ZNF273: variants seen among roughly 807,000 people sequenced by gnomAD.
ZNF273 encodes the protein zinc finger protein 9.
In ZNF273, 11 loss-of-function variants were observed where a neutral mutation model predicts 14.9. The ratio of observed to expected loss-of-function variants is 0.74; its 90% CI spans 0.46 to 1.22. The LOEUF (loss-of-function observed/expected upper bound fraction) is 1.22, where lower values mean the gene tolerates loss of function less well. Ranked by LOEUF, ZNF273 falls within the 50% of genes most tolerant of loss-of-function variation. The pLI, the probability that ZNF273 is intolerant of heterozygous loss-of-function variation, is 0.00. For missense variants in ZNF273, 577 were observed against 660.6 expected (o/e 0.87, Z 1.39); for synonymous variants, 199 against 223.9 (o/e 0.89, Z 0.99).
chr7:64,890,945 G>A (rs1165226472), downstream of ZNF273, among the ~76,000 whole-genome samples: 2 of 152,210 alleles, frequency 1.3e-5, no homozygotes, highest in Admixed American at 6.5e-5. Context: ...GTTGGCTCAG[G>A]GTAGATATGA....
At chr7:64,904,482 AG>A (rs1792951193) in intron 1 of ZNF273, among the ~76,000 whole-genome samples, 1 of 152,168 alleles carries the variant, frequency 6.6e-6, no homozygotes, top group Non-Finnish European at 1.5e-5. Flanking sequence ...CACACTCTAC[AG>A]GGGATAGATT....
chr7:64,879,212 G>T (rs948461474), intron 2 of ZNF273, among the ~76,000 whole-genome samples: 1 of 152,168 alleles, frequency 6.6e-6, no homozygotes, highest in Non-Finnish European at 1.5e-5. Flanking sequence ...GGATTTCAGA[G>T]TCAAAAGAGA....
chr7:64,896,615 G>C (rs1330952637), intron 3 of ZNF273, among the ~76,000 whole-genome samples: 1 of 151,872 alleles, frequency 6.6e-6, no homozygotes, highest in East Asian at 1.9e-4. Context: ...AATATATTTA[G>C]AAGAGCTTTT....
downstream of ZNF273, chr7:64,893,936 T>G (rs772954950): frequency 5.9e-5 from 9 of 152,126 alleles, no homozygotes; most frequent in Non-Finnish European, 8.8e-5. Context: ...TCATTTCTCA[T>G]GTTTTTAATC....
chr7:64,922,830 G>A (rs1025918278), intron 3 of ZNF273, among the ~76,000 whole-genome samples: 1 of 152,032 alleles, frequency 6.6e-6, no homozygotes, highest in African/African-American at 2.4e-5. Flanking sequence ...GCCAGGTGTG[G>A]TGGTGCATGC....
chr7:64,891,695 C>T (rs1342221384), downstream of ZNF273, among the ~76,000 whole-genome samples: 1 of 152,198 alleles, frequency 6.6e-6, no homozygotes, highest in Non-Finnish European at 1.5e-5. Flanking sequence ...TTATGTATCA[C>T]CAGCCAGGCA....
chr7:64,896,318 A>G (rs1206293893), intron 3 of ZNF273, among the ~76,000 whole-genome samples: 1 of 152,152 alleles, frequency 6.6e-6, no homozygotes, highest in African/African-American at 2.4e-5. Flanking sequence ...GGTTCCGCAA[A>G]TGAAATATAT....
At chr7:64,878,560 A>G (rs2129026498) in intron 2 of ZNF273, 1 of 152,410 alleles carries the variant, frequency 6.6e-6, no homozygotes, top group East Asian at 1.9e-4. Context: ...AGAGGTGCAG[A>G]CAAATGTCAC....
chr7:64,920,538 C>T (rs1022877117), intron 3 of ZNF273, among the ~76,000 whole-genome samples: 1 of 152,152 alleles, frequency 6.6e-6, no homozygotes, highest in Non-Finnish European at 1.5e-5. Flanking sequence ...AAGGGCAGGA[C>T]CTCTCCCAGA....
chr7:64,880,665 G>A (rs1391350706), downstream of ZNF273, among the ~76,000 whole-genome samples: 1 of 152,022 alleles, frequency 6.6e-6, no homozygotes, highest in African/African-American at 2.4e-5. Flanking sequence ...TTTTTCTGTG[G>A]TTACTGAATC....
At chr7:64,887,529 G>A (rs1476751222) in intron 1 of ZNF273, among the ~76,000 whole-genome samples, 1 of 152,176 alleles carries the variant, frequency 6.6e-6, no homozygotes, top group Non-Finnish European at 1.5e-5. Context: ...ATGGAGTCTA[G>A]CTCTGTTGCA....
intron 1 of ZNF273, among the ~76,000 whole-genome samples, chr7:64,912,927 C>T (rs1056402566): frequency 4.0e-5 from 6 of 149,074 alleles, no homozygotes; most frequent in Admixed American, 2.0e-4. Context: ...CTCTTGGGTT[C>T]AAGTGATTCT....
chr7:64,899,901 C>T (rs1792583662), upstream of ZNF273, among the ~76,000 whole-genome samples: 1 of 151,396 alleles, frequency 6.6e-6, no homozygotes, highest in Non-Finnish European at 1.5e-5. Context: ...GCTGGGATTA[C>T]AGGCATGCGC....
chr7:64,895,480 G>A (rs1264572139), intron 3 of ZNF273, among the ~76,000 whole-genome samples: 1 of 152,076 alleles, frequency 6.6e-6, no homozygotes, highest in Non-Finnish European at 1.5e-5. Context: ...CACTAACAGT[G>A]TGCCTGTATG....
chr7:64,928,394 A>T lies in ZNF273; in HGVS notation c.1066A>T (p.Asn356Tyr). Residue 356 changes from asparagine (N) to tyrosine (Y), a missense_variant, in exon 4 of 4, where the codon AAC (asparagine) becomes TAC (tyrosine). This residue lies in a region of ZNF273 where 411 missense variants were observed against 440.4 expected (regional missense o/e 0.93). Transcript: ENST00000476120. ...ATGCAATGAATGTGGTAAAGCCTTT[A>T]ACTGGTCCTCAACTCTTACTAAACA... Reference protein sequence around the residue: ...YKCNECGKAFNWSSTLTKHKR... With the variant: ...YKCNECGKAFYWSSTLTKHKR... The T allele has an allele frequency of 6.2e-7, 1 of 1,613,790 alleles. No individual in the cohort carries two copies. Among genetic ancestry groups the T allele is most frequent in the African/African-American group, 1.3e-5 (1 of 75,028 alleles).
At chr7:64,899,558 G>A (rs1792556918), upstream of ZNF273, among the ~76,000 whole-genome samples, 1 of 151,838 alleles carries the variant, frequency 6.6e-6, no homozygotes, top group African/African-American at 2.4e-5. Context: ...GGAAGGCTGA[G>A]GCAAGAGAAT....
intron 1 of ZNF273, among the ~76,000 whole-genome samples, chr7:64,910,839 C>T (rs895098546): frequency 6.2e-5 from 9 of 145,832 alleles, no homozygotes; most frequent in African/African-American, 2.3e-4. Context: ...AATCTCGACT[C>T]ACTGCAACCT....
At chr7:64,912,826 G>GTTTTTTGTTGTTGTTTTTTTTTTTTTTT in intron 1 of ZNF273, among the ~76,000 whole-genome samples, 27 of 36,576 alleles carry the variant, frequency 7.4e-4, no homozygotes, top group South Asian at 1.3e-3. Flanking sequence ...ATTCATTTTA[G>GTTTTTTGTTGTTGTTTTTTTTTTTTTTT]TTTTTTTTTT....
intron 2 of ZNF273, among the ~76,000 whole-genome samples, chr7:64,878,935 C>T (rs747101205): frequency 6.6e-6 from 1 of 152,206 alleles, no homozygotes; most frequent in Non-Finnish European, 1.5e-5. Flanking sequence ...AGCACTGTCA[C>T]GTTTTAATGA....
Sources: gnomAD v4.1 joint callset for allele counts (sites outside exome capture counted in the v4.1 genomes callset) on GRCh38, gnomAD v4.1.1 for gene constraint, gnomAD v4.1.1 regional missense constraint, MANE v1.5 for transcripts, NCBI Gene and HGNC (gene_info 2026-07-23, HGNC 2026-07-21) for gene names.